The following PPP2R2A variants were observed in gnomAD, a reference collection of about 807,000 sequenced individuals.
PPP2R2A encodes the protein serine/threonine-protein phosphatase 2A 55 kDa regulatory subunit B alpha isoform.
PPP2R2A carries 9 observed loss-of-function variants against 53.2 expected under a neutral mutation model. That is an observed-to-expected ratio of 0.17 (90% confidence interval 0.10 to 0.30). The LOEUF (loss-of-function observed/expected upper bound fraction) is 0.30, where lower values mean the gene tolerates loss of function less well. Among genes scored for constraint, PPP2R2A ranks in the 10% least tolerant of loss-of-function variants. The pLI is 1.00. For synonymous variants in PPP2R2A, 169 were observed against 174.2 expected (o/e 0.97, Z 0.23); for missense variants, 235 against 534.6 (o/e 0.44, Z 5.53).
chr8:26,338,031 T>C lies in PPP2R2A; in HGVS notation c.83-859T>C, dbSNP rs751625401. Among the ~76,000 whole-genome samples the C allele has an allele frequency of 4.6e-5, 7 of 152,182 alleles. No individual in the cohort carries two copies. The highest frequency in any genetic ancestry group is 8.8e-5 in the Non-Finnish European group (6 of 67,944). On this transcript the variant is annotated intron_variant, in intron 2 of 9. Coordinates refer to ENST00000380737, the MANE Select transcript of PPP2R2A (RefSeq NM_002717.4). The surrounding 1 kb of genome is among the most constrained non-coding windows in gnomAD (Gnocchi z 4.5). ...TCTGTAGACCAGAGGATGTCTGTTCTTTTATAAAGCTGATTTATTTTAAAT... is the reference window on the plus strand; with the variant it reads ...TCTGTAGACCAGAGGATGTCTGTTCCTTTATAAAGCTGATTTATTTTAAAT...
intron 9 of PPP2R2A, among the ~76,000 whole-genome samples, chr8:26,368,883 G>A (rs1805523996): frequency 6.6e-6 from 1 of 152,050 alleles, no homozygotes. Flanking sequence ...AAGGCCGGCG[G>A]ATCATGAGGT....
intron 2 of PPP2R2A, among the ~76,000 whole-genome samples, chr8:26,304,279 C>CTT (rs5890310): frequency 3.4e-5 from 5 of 146,920 alleles, no homozygotes; most frequent in Non-Finnish European, 4.5e-5. Flanking sequence ...GTGTTCCCAT[C>CTT]TTTTTTTTTT....
In PPP2R2A at chr8:26,371,543, G is replaced by A. The variant is rs762224646; in HGVS notation, c.*1130G>A. The A allele has an allele frequency of 1.3e-5, 2 of 152,004 alleles. No individual in the cohort carries two copies. Among genetic ancestry groups the A allele is most frequent in the Non-Finnish European group, 2.9e-5 (2 of 67,982 alleles). The allele number at this position is 152,004 out of a possible 1,614,324, so 9.4% of individuals were successfully genotyped here. A position where few individuals can be genotyped will look rare whatever the true frequency, so the allele number is the denominator to read the frequency against. On this transcript the variant is annotated 3_prime_UTR_variant, in exon 10 of 10. Coordinates refer to ENST00000380737, the MANE Select transcript of PPP2R2A (RefSeq NM_002717.4). The stretch of plus-strand genomic sequence containing the variant: ...AAGACTTATAAAACATTTTTAACAA[G>A]TTAGAACTTTTTTGTTATTCAGTCA...
intron 2 of PPP2R2A, among the ~76,000 whole-genome samples, chr8:26,297,119 T>C (rs891781226): frequency 6.6e-6 from 1 of 152,096 alleles, no homozygotes; most frequent in African/African-American, 2.4e-5. Flanking sequence ...TCTTTTGGTG[T>C]GTGTGTGTGT....
At chr8:26,341,546 A>G (rs1466933140) in intron 3 of PPP2R2A, among the ~76,000 whole-genome samples, 1 of 152,252 alleles carries the variant, frequency 6.6e-6, no homozygotes, top group Non-Finnish European at 1.5e-5. Flanking sequence ...AATCCAAATT[A>G]TTTAACAAGG....
chr8:26,317,353 A>G (rs528723793), intron 2 of PPP2R2A, among the ~76,000 whole-genome samples: 15 of 152,216 alleles, frequency 9.9e-5, no homozygotes, highest in Non-Finnish European at 1.8e-4. Flanking sequence ...GATGTTACTT[A>G]TTGTTTGCTT....
Position 26,321,161 on chromosome 8 carries a change from G to T in PPP2R2A, c.83-17729G>T, listed in dbSNP as rs1802819167. Among the ~76,000 whole-genome samples, 1 of 152,230 alleles carries T rather than the reference G, an allele frequency of 6.6e-6. No homozygotes were observed. Among genetic ancestry groups the T allele is most frequent in the Admixed American group, 6.5e-5 (1 of 15,286 alleles). ...CCTTAGTGTTCATTTCTGTGGTTGT[G>T]AAGCGCTAGTAGGAGTAAGTGACAG... On this transcript the variant is annotated intron_variant, in intron 2 of 9. Coordinates refer to ENST00000380737, the MANE Select transcript of PPP2R2A (RefSeq NM_002717.4). The surrounding 1 kb of genome is among the most constrained non-coding windows in gnomAD (Gnocchi z 4.1).
chr8:26,326,989 G>A (rs1011665316), intron 2 of PPP2R2A, among the ~76,000 whole-genome samples: 2 of 152,164 alleles, frequency 1.3e-5, no homozygotes, highest in Non-Finnish European at 2.9e-5. Flanking sequence ...ATCCAAACGG[G>A]CTATCAGATT....
intron 2 of PPP2R2A, among the ~76,000 whole-genome samples, chr8:26,319,466 C>CT (rs201934377): frequency 0.081 from 12,339 of 152,188 alleles, 657 homozygotes; most frequent in Non-Finnish European, 0.11. Context: ...ACACTTTCTA[C>CT]TTTTTTTATA....
chr8:26,330,234 G>GT (rs1012967194), intron 2 of PPP2R2A, among the ~76,000 whole-genome samples: 2 of 149,820 alleles, frequency 1.3e-5, no homozygotes, highest in East Asian at 2.0e-4. Context: ...CAAATAGTAT[G>GT]TTTTTTTATT....
chr8:26,362,266 G>A lies in PPP2R2A; in HGVS notation c.638-418G>A, dbSNP rs1805145008. 6.6e-6 allele frequency among the ~76,000 whole-genome samples: 1 copy of A among 151,414 alleles called. No individual in the cohort carries two copies. The highest frequency in any genetic ancestry group is 6.6e-5 in the Admixed American group (1 of 15,186). On this transcript the variant is annotated intron_variant, in intron 6 of 9. Transcript: ENST00000380737. This position sits in a 1 kb window ranked among gnomAD's most constrained non-coding sequence, Gnocchi z 4.4. Reference sequence around the variant, plus strand: ...CAGCACTTTGGGAGGCTGAGGCGAGGCGGATGGATCATGAGGTCAGGAGGT... The same window carrying A: ...CAGCACTTTGGGAGGCTGAGGCGAGACGGATGGATCATGAGGTCAGGAGGT...
At chr8:26,300,316 C>T (rs1801723911) in intron 2 of PPP2R2A, among the ~76,000 whole-genome samples, 1 of 152,130 alleles carries the variant, frequency 6.6e-6, no homozygotes, top group Non-Finnish European at 1.5e-5. Context: ...TGTATTAAAT[C>T]AGTGAAGAGG....
At chr8:26,333,589 G>A in intron 2 of PPP2R2A, 1 of 1,075,206 alleles carries the variant, frequency 9.3e-7, no homozygotes, top group Non-Finnish European at 1.2e-6. Flanking sequence ...AGAATGCCAA[G>A]GCTACTAATA....
intron 2 of PPP2R2A, among the ~76,000 whole-genome samples, chr8:26,326,928 T>A (rs1803118210): frequency 6.6e-6 from 1 of 152,268 alleles, no homozygotes; most frequent in South Asian, 2.1e-4. Context: ...TATTAGCAGC[T>A]GTTTATCTTT....
chr8:26,328,471 A>G lies in PPP2R2A; in HGVS notation c.83-10419A>G, dbSNP rs570676721. Among the ~76,000 whole-genome samples the G allele has an allele frequency of 1.4e-4, 21 of 152,306 alleles. No individual in the cohort carries two copies. In the East Asian group the frequency reaches 3.5e-3, roughly 25 times the overall value. ...AATCATTGGAATGGTGTGTAGTGGC[A>G]TATCATTTTTCCACCTTGTGGAAAT... On this transcript the variant is annotated intron_variant, in intron 2 of 9. Transcript: ENST00000380737.
At chr8:26,295,622 T>G (rs1050730425) in intron 2 of PPP2R2A, among the ~76,000 whole-genome samples, 3 of 152,236 alleles carry the variant, frequency 2.0e-5, no homozygotes, top group African/African-American at 4.8e-5. Context: ...TTAAATAATT[T>G]TCTTTAGAGG....
chr8:26,354,762 A>G lies in PPP2R2A; in HGVS notation c.346+129A>G, dbSNP rs1036038953. 4.5e-5 allele frequency: 40 copies of G among 884,064 alleles called. No individual in the cohort carries two copies. The highest frequency in any genetic ancestry group is 3.1e-4 in the East Asian group (10 of 31,874). The allele number at this position is 884,064 out of a possible 1,614,324, so 54.8% of individuals were successfully genotyped here. The stretch of plus-strand genomic sequence containing the variant: ...ACTTTTGTTTTTCTATACAGAATGT[A>G]AACTCTACTTTTTTACTGTCACTTG... On this transcript the variant is annotated intron_variant, in intron 4 of 9. Transcript: ENST00000380737. The surrounding 1 kb of genome is among the most constrained non-coding windows in gnomAD (Gnocchi z 4.6).
At position 26,330,790 on chromosome 8, in the gene PPP2R2A, T is replaced by C. The variant is rs1270027043; in HGVS notation, c.83-8100T>C. Among the ~76,000 whole-genome samples, 3 of 152,208 alleles carry C rather than the reference T, an allele frequency of 2.0e-5. No homozygotes were observed. In the South Asian group the frequency reaches 6.2e-4, roughly 32 times the overall value. ...TGTTTATATTCCTGGTAATTTCGGA[T>C]TGGAAACCAGACAGTGTGAATTTAC... On this transcript the variant is annotated intron_variant, in intron 2 of 9. Coordinates refer to ENST00000380737, the MANE Select transcript of PPP2R2A (RefSeq NM_002717.4).
In PPP2R2A at chr8:26,360,560, A is replaced by G. The variant is rs1214792472; in HGVS notation, c.459+279A>G. ...TGTCATGTTAGCTATCACAAGGTCA[A>G]GTTTCAAGATAAATTTTCTTTGGAA... is the stretch of plus-strand genomic sequence containing the variant. On this transcript the variant is annotated intron_variant, in intron 5 of 9. Transcript: ENST00000380737. This position sits in a 1 kb window ranked among gnomAD's most constrained non-coding sequence, Gnocchi z 4.5. The G allele has an allele frequency of 2.0e-5, 6 of 295,974 alleles. No homozygotes were observed. The highest frequency in any genetic ancestry group is 9.4e-5 in the South Asian group (1 of 10,596). The allele number at this position is 295,974 out of a possible 1,614,324, so 18.3% of individuals were successfully genotyped here.
Sources: allele counts gnomAD v4.1 joint callset (sites outside exome capture counted in the v4.1 genomes callset), GRCh38; gene constraint gnomAD v4.1.1; non-coding constraint Gnocchi (gnomAD v3.1); transcripts MANE v1.5; gene names NCBI Gene and HGNC (gene_info 2026-07-23, HGNC 2026-07-21).